The following WDR7 variants were observed in gnomAD, a reference collection of about 807,000 sequenced individuals.
WDR7 encodes WD repeat domain 7.
A neutral mutation model predicts 169.4 loss-of-function variants in WDR7; 46 were observed. That is an observed-to-expected ratio of 0.27 (90% CI 0.21 to 0.35). WDR7 has a LOEUF of 0.35. Among genes scored for constraint, WDR7 ranks in the 10% least tolerant of loss-of-function variants. The pLI is 1.00. For missense variants in WDR7, 1,534 were observed against 1,859.3 expected, an observed-to-expected ratio of 0.83 and a Z score of 3.22; for synonymous variants, 612 against 666.8, an observed-to-expected ratio of 0.92 and a Z score of 1.27.
chr18:56,973,015 C>T (rs1007083698), intron 26 of WDR7, among the ~76,000 whole-genome samples: 4 of 152,108 alleles, frequency 2.6e-5, no homozygotes, highest in East Asian at 1.9e-4. Context: ...AGGTGTGTGC[C>T]GCCATGCCCA....
chr18:56,694,082 A>G (rs2025642438), intron 9 of WDR7, among the ~76,000 whole-genome samples: 1 of 151,410 alleles, frequency 6.6e-6, no homozygotes, highest in African/African-American at 2.4e-5. Flanking sequence ...TTAGTTGTCC[A>G]GGGCCGGTCT....
intron 1 of WDR7, among the ~76,000 whole-genome samples, chr18:56,670,401 G>A (rs1284569759): frequency 6.6e-6 from 1 of 152,108 alleles, no homozygotes; most frequent in Admixed American, 6.5e-5. Context: ...TACTGAGTAC[G>A]AGTCGCCAAC....
chr18:56,724,866 A>G (rs970009543), intron 13 of WDR7, among the ~76,000 whole-genome samples: 1 of 151,806 alleles, frequency 6.6e-6, no homozygotes, highest in South Asian at 2.1e-4. Flanking sequence ...AGGTGTTCTC[A>G]TTGTTCAGTT....
chr18:56,686,791 ATT>A, intron 6 of WDR7, 62 bp from the exon 7 acceptor site: 1 of 1,351,592 alleles, frequency 7.4e-7, no homozygotes, highest in South Asian at 1.2e-5. Flanking sequence ...TGCCTTTATC[ATT>A]GTGTGATAAT....
chr18:56,834,219 A>G (rs1599085074), intron 20 of WDR7, among the ~76,000 whole-genome samples: 2 of 152,342 alleles, frequency 1.3e-5, no homozygotes. Context: ...GTGGAGTTGT[A>G]TATAGATTGA....
downstream of WDR7, chr18:57,033,447 C>T (rs1014573526): frequency 3.3e-5 from 5 of 152,206 alleles, no homozygotes; most frequent in African/African-American, 4.8e-5. Context: ...CTTCACTTTG[C>T]AGCCATTATT....
At chr18:56,885,147 G>T (rs950179529) in intron 21 of WDR7, among the ~76,000 whole-genome samples, 1 of 152,088 alleles carries the variant, frequency 6.6e-6, no homozygotes, top group African/African-American at 2.4e-5. Context: ...GCAGCCTTGA[G>T]CCCCAGATCT....
chr18:56,989,083 GAAA>G (rs35161458), intron 26 of WDR7, among the ~76,000 whole-genome samples: 15 of 136,410 alleles, frequency 1.1e-4, no homozygotes, highest in Non-Finnish European at 1.9e-4. Flanking sequence ...ATGGTTTTTT[GAAA>G]AAAAAAAAAA....
At chr18:56,669,470 A>G (rs544335251) in intron 1 of WDR7, among the ~76,000 whole-genome samples, 122 of 152,248 alleles carry the variant, frequency 8.0e-4, no homozygotes, top group South Asian at 1.2e-3. Flanking sequence ...CAATTGAATA[A>G]GCAGTCTCTA....
intron 16 of WDR7, among the ~76,000 whole-genome samples, chr18:56,763,586 G>T (rs1380806011): frequency 1.3e-5 from 2 of 152,132 alleles, no homozygotes; most frequent in Non-Finnish European, 2.9e-5. Context: ...CAGTTTTGCT[G>T]ATAGGATAAT....
At chr18:56,784,439 C>A (rs977991748) in intron 19 of WDR7, among the ~76,000 whole-genome samples, 1 of 152,176 alleles carries the variant, frequency 6.6e-6, no homozygotes, top group Non-Finnish European at 1.5e-5. Context: ...CTCCACCCTT[C>A]CCCTTCTGAG....
At chr18:56,749,071 A>G (rs1329828799) in intron 14 of WDR7, among the ~76,000 whole-genome samples, 1 of 152,062 alleles carries the variant, frequency 6.6e-6, no homozygotes, top group Non-Finnish European at 1.5e-5. Context: ...TTACATCAAG[A>G]CATCAATTTG....
intron 13 of WDR7, among the ~76,000 whole-genome samples, chr18:56,728,075 A>G (rs897135107): frequency 6.6e-6 from 1 of 152,114 alleles, no homozygotes; most frequent in Non-Finnish European, 1.5e-5. Flanking sequence ...ATGTCTTCTC[A>G]TGGTTATTTT....
intron 5 of WDR7, among the ~76,000 whole-genome samples, chr18:56,684,926 A>AT (rs2025415633): frequency 6.6e-6 from 1 of 152,228 alleles, no homozygotes; most frequent in African/African-American, 2.4e-5. Context: ...GGAACTAATC[A>AT]TTCATATATT....
intron 20 of WDR7, among the ~76,000 whole-genome samples, chr18:56,834,121 C>T (rs988304474): frequency 2.6e-5 from 4 of 152,168 alleles, no homozygotes; most frequent in African/African-American, 9.7e-5. Flanking sequence ...AGTTCCCTGC[C>T]GTGTGGCCCT....
At chr18:56,987,912 C>A (rs567983861) in intron 26 of WDR7, among the ~76,000 whole-genome samples, 2 of 152,300 alleles carry the variant, frequency 1.3e-5, no homozygotes, top group South Asian at 2.1e-4. Context: ...TCATTAATTT[C>A]TTGAACATTT....
intron 19 of WDR7, among the ~76,000 whole-genome samples, chr18:56,784,179 A>AT (rs1261252161): frequency 7.9e-5 from 12 of 152,138 alleles, no homozygotes; most frequent in Non-Finnish European, 1.6e-4. Context: ...AGATTAAAGA[A>AT]TTTTCTGAAG....
chr18:56,685,457 T>G (rs986877374), intron 5 of WDR7, among the ~76,000 whole-genome samples: 1 of 152,206 alleles, frequency 6.6e-6, no homozygotes, highest in African/African-American at 2.4e-5. Context: ...GTGCTGTCAC[T>G]AGTCCCTTAC....
intron 26 of WDR7, among the ~76,000 whole-genome samples, chr18:56,973,496 G>T (rs1386877934): frequency 6.6e-6 from 1 of 151,890 alleles, no homozygotes; most frequent in South Asian, 2.1e-4. Flanking sequence ...TTGTGTGTGG[G>T]GGGGGTGTAT....
Sources: gnomAD v4.1 joint callset for allele counts (sites outside exome capture counted in the v4.1 genomes callset) on GRCh38, gnomAD v4.1.1 for gene constraint, MANE v1.5 for transcripts, NCBI Gene and HGNC (gene_info 2026-07-23, HGNC 2026-07-21) for gene names.